The following LENEP variants were observed in gnomAD, a reference collection of about 807,000 sequenced individuals.
LENEP encodes lens epithelial protein, also known as lens epithelial cell protein LEP503.
In LENEP, 2 loss-of-function variants were observed where a neutral mutation model predicts 4.1. That is an observed-to-expected ratio of 0.49 (90% CI 0.20 to 1.53). LENEP has a LOEUF of 1.53. LENEP is among the 40% of genes most tolerant of loss of function. LENEP has a pLI of 0.23. For missense variants in LENEP, 63 were observed against 77.0 expected (o/e 0.82, Z 0.68); for synonymous variants, 30 against 33.3 (o/e 0.90, Z 0.34).
At position 154,993,969 on chromosome 1, in the gene LENEP, G is replaced by A; in HGVS notation, c.*176G>A. ...GCCATCAAGACTCCTGAAGCCAGCT[G>A]TGCTTGACCAAGGATGGGCCATAAA... On this transcript the variant is annotated 3_prime_UTR_variant, in exon 1 of 1. Coordinates refer to ENST00000392487, the MANE Select transcript of LENEP (RefSeq NM_001394530.1). 1.6e-6 allele frequency: 1 copy of A among 614,764 alleles called. No homozygotes were observed. Among genetic ancestry groups the A allele is most frequent in the Admixed American group, 3.2e-5 (1 of 31,004 alleles). 38.1% of individuals were successfully genotyped at this position (614,764 alleles called of 1,614,324 possible).
Position 154,994,015 on chromosome 1 carries a change from G to A in LENEP, c.*222G>A, listed in dbSNP as rs1219958931. On this transcript the variant is annotated 3_prime_UTR_variant, in exon 1 of 1. Coordinates refer to ENST00000392487, the MANE Select transcript of LENEP (RefSeq NM_001394530.1). ...ATAAACAATGAGTAAACAGTAAAGTGTGGATCCTGCTTTGAGCTGTGTCAT... is the reference window on the plus strand; with the variant it reads ...ATAAACAATGAGTAAACAGTAAAGTATGGATCCTGCTTTGAGCTGTGTCAT... 9.3e-6 allele frequency: 5 copies of A among 538,118 alleles called. No homozygotes were observed. The highest frequency in any genetic ancestry group is 1.6e-5 in the Non-Finnish European group (5 of 307,342). The allele number at this position is 538,118 out of a possible 1,614,324, so 33.3% of individuals were successfully genotyped here. A position where few individuals can be genotyped will look rare whatever the true frequency, so the allele number is the denominator to read the frequency against.
In LENEP at chr1:154,994,068, T is replaced by A. The variant is rs1657991496; in HGVS notation, c.*275T>A. On this transcript the variant is annotated 3_prime_UTR_variant, in exon 1 of 1. Coordinates refer to ENST00000392487, the MANE Select transcript of LENEP (RefSeq NM_001394530.1). ...AGCAGACCTGCCTCATCTCTGAGCC[T>A]CCTTCATTCCCAACCCCTGCCTCTG... 1 of 407,208 alleles carries A rather than the reference T, an allele frequency of 2.5e-6. No individual in the cohort carries two copies. Among genetic ancestry groups the A allele is most frequent in the African/African-American group, 2.1e-5 (1 of 46,600 alleles). 25.2% of individuals were successfully genotyped at this position (407,208 alleles called of 1,614,324 possible). A position where few individuals can be genotyped will look rare whatever the true frequency, so the allele number is the denominator to read the frequency against.
At position 154,993,804 on chromosome 1, in the gene LENEP, G is replaced by T; in HGVS notation, c.*11G>T. On this transcript the variant is annotated 3_prime_UTR_variant, in exon 1 of 1. Transcript: ENST00000392487. ...GAACTGCTGGATTAATGGTAGCAGG[G>T]AACTGCCTCCTCTCCCCACCAGCAC... 6.2e-7 allele frequency: 1 copy of T among 1,610,108 alleles called. No individual in the cohort carries two copies. Among genetic ancestry groups the T allele is most frequent in the Non-Finnish European group, 8.5e-7 (1 of 1,178,032 alleles).
In LENEP at chr1:154,993,900, C is replaced by A; in HGVS notation, c.*107C>A. ...CATAGCTGCAGCTTCTGTGGCAGAG[C>A]TTGCCTTAGCTTCTCATTCTCTTCT... On this transcript the variant is annotated 3_prime_UTR_variant, in exon 1 of 1. Coordinates refer to ENST00000392487, the MANE Select transcript of LENEP (RefSeq NM_001394530.1). 1 of 1,077,086 alleles carries A rather than the reference C, an allele frequency of 9.3e-7. No homozygotes were observed. Among genetic ancestry groups the A allele is most frequent in the Non-Finnish European group, 1.3e-6 (1 of 743,354 alleles). The allele number at this position is 1,077,086 out of a possible 1,614,324, so 66.7% of individuals were successfully genotyped here. A position where few individuals can be genotyped will look rare whatever the true frequency, so the allele number is the denominator to read the frequency against.
rs1423198945 is a variant in LENEP at position 154,993,592 on chromosome 1, C to T, written c.-16C>T. 64 of 1,599,070 alleles carry T rather than the reference C, an allele frequency of 4.0e-5. No individual in the cohort carries two copies. The highest frequency in any genetic ancestry group is 3.5e-4 in the Middle Eastern group (2 of 5,706). ...TAGAGGCAGCTCCCACACCCTTCCT[C>T]GGAACTGTTGCCCACATGCAGCCCC... is the stretch of plus-strand genomic sequence containing the variant. On this transcript the variant is annotated 5_prime_UTR_variant, in exon 1 of 1. Coordinates refer to ENST00000392487, the MANE Select transcript of LENEP (RefSeq NM_001394530.1).
chr1:154,993,631 A>G lies in LENEP; in HGVS notation c.24A>G (p.Leu8=), dbSNP rs752188932. 6.2e-7 allele frequency: 1 copy of G among 1,612,798 alleles called. No individual in the cohort carries two copies. Among genetic ancestry groups the G allele is most frequent in the Non-Finnish European group, 8.5e-7 (1 of 1,179,572 alleles). ...ACATGCAGCCCCGGACACAGCCCCT[A>G]GCCCAAACCCTACCCTTCTTCCTCG... MQPRTQP[L]AQTLPFFLGG... The change falls in exon 1 of 1, where the codon CTA becomes CTG. Residue 8 remains leucine (L), a synonymous_variant. Transcript: ENST00000392487.
rs1351137208 is a variant in LENEP at position 154,993,841 on chromosome 1, T to C, written c.*48T>C. The C allele has an allele frequency of 6.4e-7, 1 of 1,574,322 alleles. No homozygotes were observed. The highest frequency in any genetic ancestry group is 1.8e-5 in the Admixed American group (1 of 56,668). ...CTCCCCACCAGCACCATGGCTGGCA[T>C]CGCTCAGGTGGGCAGGGTAGAGTAA... On this transcript the variant is annotated 3_prime_UTR_variant, in exon 1 of 1. Coordinates refer to ENST00000392487, the MANE Select transcript of LENEP (RefSeq NM_001394530.1).
In LENEP at chr1:154,994,092, T is replaced by C; in HGVS notation, c.*299T>C. 1 of 366,348 alleles carries C rather than the reference T, an allele frequency of 2.7e-6. No homozygotes were observed. The highest frequency in any genetic ancestry group is 5.0e-6 in the Non-Finnish European group (1 of 201,592). 22.7% of individuals were successfully genotyped at this position (366,348 alleles called of 1,614,324 possible). ...CTCCTTCATTCCCAACCCCTGCCTC[T>C]GGTGGACCTCTGGTGGGCAGGAGCT... On this transcript the variant is annotated 3_prime_UTR_variant, in exon 1 of 1. Transcript: ENST00000392487.
Position 154,993,775 on chromosome 1 carries a change from C to G in LENEP, c.168C>G (p.Ile56Met). The G allele has an allele frequency of 6.2e-7, 1 of 1,612,680 alleles. No homozygotes were observed. The highest frequency in any genetic ancestry group is 8.5e-7 in the Non-Finnish European group (1 of 1,179,292). ...ACATCCTCCTCTGCTGCTGGTGTAT[C>G]AAGGAACTGCTGGATTAATGGTAGC... ...VAYILLCCWC[I>M]KELLD The change falls in exon 1 of 1, where the codon ATC (isoleucine) becomes ATG (methionine). Residue 56 changes from isoleucine to methionine, a missense_variant. Coordinates refer to ENST00000392487, the MANE Select transcript of LENEP (RefSeq NM_001394530.1).
Position 154,993,669 on chromosome 1 carries a change from G to C in LENEP, c.62G>C (p.Arg21Pro), listed in dbSNP as rs142005786. ...CCCTTCTTCCTCGGAGGGGCCCCTC[G>C]AGACACTGGGCTGCGGGTGCCTGTC... Reference protein sequence around the residue: ...TLPFFLGGAPRDTGLRVPVIK... With the variant: ...TLPFFLGGAPPDTGLRVPVIK... Residue 21 changes from arginine (R) to proline (P), a missense_variant, in exon 1 of 1, where the codon CGA (arginine) becomes CCA (proline). Arg to Pro is a moderately radical substitution (Grantham distance 103). Coordinates refer to ENST00000392487, the MANE Select transcript of LENEP (RefSeq NM_001394530.1). 1.3e-5 allele frequency: 21 copies of C among 1,613,308 alleles called. No homozygotes were observed. In the South Asian group the frequency reaches 2.0e-4, roughly 15 times the overall value.
chr1:154,994,164 C>CG lies in LENEP; in HGVS notation c.*371_*372insG. On this transcript the variant is annotated 3_prime_UTR_variant, in exon 1 of 1. Coordinates refer to ENST00000392487, the MANE Select transcript of LENEP (RefSeq NM_001394530.1). ...CCAGTAAGATTGTGGCAAGACCTGG[C>CG]ACTCCTCCAAGCTTGGCACAGTGAG... The CG allele has an allele frequency of 1.2e-5, 3 of 260,680 alleles. No homozygotes were observed. Among genetic ancestry groups the CG allele is most frequent in the South Asian group, 4.1e-5 (1 of 24,354 alleles). 16.1% of individuals were successfully genotyped at this position (260,680 alleles called of 1,614,324 possible). A position where few individuals can be genotyped will look rare whatever the true frequency, so the allele number is the denominator to read the frequency against.
rs1047060531 is a variant in LENEP, at chr1:154,993,847, A to G, written c.*54A>G. On this transcript the variant is annotated 3_prime_UTR_variant, in exon 1 of 1. Coordinates refer to ENST00000392487, the MANE Select transcript of LENEP (RefSeq NM_001394530.1). The stretch of plus-strand genomic sequence containing the variant: ...ACCAGCACCATGGCTGGCATCGCTC[A>G]GGTGGGCAGGGTAGAGTAAACAGGA... 1 of 1,564,918 alleles carries G rather than the reference A, an allele frequency of 6.4e-7. No individual in the cohort carries two copies. The highest frequency in any genetic ancestry group is 1.1e-5 in the South Asian group (1 of 88,596).
Position 154,994,190 on chromosome 1 carries a change from C to CT in LENEP, c.*397_*398insT. ...ACTCCTCCAAGCTTGGCACAGTGAG[C>CT]CCACCAGCTCAGATGGTTGATCTTA... On this transcript the variant is annotated 3_prime_UTR_variant, in exon 1 of 1. Transcript: ENST00000392487. 2.1e-5 allele frequency: 5 copies of CT among 234,494 alleles called. No individual in the cohort carries two copies. The highest frequency in any genetic ancestry group is 3.3e-5 in the Non-Finnish European group (4 of 120,038). The allele number at this position is 234,494 out of a possible 1,614,324, so 14.5% of individuals were successfully genotyped here. A position where few individuals can be genotyped will look rare whatever the true frequency, so the allele number is the denominator to read the frequency against.
rs1387439705 is a variant in LENEP at position 154,993,921 on chromosome 1, C to G, written c.*128C>G. 27 of 904,202 alleles carry G rather than the reference C, an allele frequency of 3.0e-5. 1 individual carries two copies. In the East Asian group the frequency reaches 7.2e-4, roughly 24 times the overall value. 56.0% of individuals were successfully genotyped at this position (904,202 alleles called of 1,614,324 possible). A position where few individuals can be genotyped will look rare whatever the true frequency, so the allele number is the denominator to read the frequency against. ...AGAGCTTGCCTTAGCTTCTCATTCT[C>G]TTCTTTAGCCCCCAGCCCAATTGCC... On this transcript the variant is annotated 3_prime_UTR_variant, in exon 1 of 1. Coordinates refer to ENST00000392487, the MANE Select transcript of LENEP (RefSeq NM_001394530.1).
At position 154,993,662 on chromosome 1, in the gene LENEP, GC is replaced by G. The variant is rs767073106; in HGVS notation, c.59del (p.Pro20LeufsTer24). 3 of 1,613,430 alleles carry G rather than the reference GC, an allele frequency of 1.9e-6. No homozygotes were observed. The highest frequency in any genetic ancestry group is 2.5e-6 in the Non-Finnish European group (3 of 1,179,744). ...AQTLPFFLGG[A>X]PRDTGLRVPV... ...AACCCTACCCTTCTTCCTCGGAGGGGCCCCTCGAGACACTGGGCTGCGGGTG... is the reference window on the plus strand; with the variant it reads ...AACCCTACCCTTCTTCCTCGGAGGGGCCCTCGAGACACTGGGCTGCGGGTG... On this transcript the variant is annotated frameshift_variant, in exon 1 of 1. Transcript: ENST00000392487. LOFTEE classifies it high-confidence loss of function.
rs747642775 is a variant in LENEP at position 154,993,587 on chromosome 1, T to C, written c.-21T>C. 1.8e-5 allele frequency: 28 copies of C among 1,595,644 alleles called. No individual in the cohort carries two copies. Among genetic ancestry groups the C allele is most frequent in the Non-Finnish European group, 2.4e-5 (28 of 1,172,916 alleles). On this transcript the variant is annotated 5_prime_UTR_variant, in exon 1 of 1. Transcript: ENST00000392487. ...GGCACTAGAGGCAGCTCCCACACCC[T>C]TCCTCGGAACTGTTGCCCACATGCA... is the stretch of plus-strand genomic sequence containing the variant.
chr1:154,993,655 C>G lies in LENEP; in HGVS notation c.48C>G (p.Leu16=). The change falls in exon 1 of 1, where the codon CTC becomes CTG. Residue 16 remains leucine, a synonymous_variant. Coordinates refer to ENST00000392487, the MANE Select transcript of LENEP (RefSeq NM_001394530.1). ...TAGCCCAAACCCTACCCTTCTTCCT[C>G]GGAGGGGCCCCTCGAGACACTGGGC... is the stretch of plus-strand genomic sequence containing the variant. ...QPLAQTLPFF[L]GGAPRDTGLR... 6.2e-7 allele frequency: 1 copy of G among 1,613,452 alleles called. No homozygotes were observed. The highest frequency in any genetic ancestry group is 1.1e-5 in the South Asian group (1 of 91,046).
rs757183582 is a variant in LENEP at position 154,993,942 on chromosome 1, T to C, written c.*149T>C. On this transcript the variant is annotated 3_prime_UTR_variant, in exon 1 of 1. Coordinates refer to ENST00000392487, the MANE Select transcript of LENEP (RefSeq NM_001394530.1). ...TTCTCTTCTTTAGCCCCCAGCCCAA[T>C]TGCCATCAAGACTCCTGAAGCCAGC... is the stretch of plus-strand genomic sequence containing the variant. The C allele has an allele frequency of 1.3e-6, 1 of 750,642 alleles. No individual in the cohort carries two copies. The highest frequency in any genetic ancestry group is 1.8e-5 in the South Asian group (1 of 54,616). The allele number at this position is 750,642 out of a possible 1,614,324, so 46.5% of individuals were successfully genotyped here.
Position 154,994,166 on chromosome 1 carries a change from CTCCTCCAAGCTTGG to C in LENEP, c.*374_*387del. 7.9e-6 allele frequency: 2 copies of C among 254,482 alleles called. No homozygotes were observed. The highest frequency in any genetic ancestry group is 1.5e-5 in the Non-Finnish European group (2 of 132,242). The allele number at this position is 254,482 out of a possible 1,614,324, so 15.8% of individuals were successfully genotyped here. A position where few individuals can be genotyped will look rare whatever the true frequency, so the allele number is the denominator to read the frequency against. On this transcript the variant is annotated 3_prime_UTR_variant, in exon 1 of 1. Transcript: ENST00000392487. ...AGTAAGATTGTGGCAAGACCTGGCA[CTCCTCCAAGCTTGG>C]CACAGTGAGCCCACCAGCTCAGATG...
Sources: gnomAD v4.1 joint callset for allele counts on GRCh38, gnomAD v4.1.1 for gene constraint, MANE v1.5 for transcripts, NCBI Gene and HGNC (gene_info 2026-07-23, HGNC 2026-07-21) for gene names.